SH3D19: variants seen among roughly 807,000 people sequenced by gnomAD.
SH3D19 encodes SH3 domain containing 19, also known as SH3 domain-containing protein 19.
In SH3D19, 58 loss-of-function variants were observed where a neutral mutation model predicts 112.1. The ratio of observed to expected loss-of-function variants is 0.52; its 90% confidence interval spans 0.42 to 0.64. The LOEUF (loss-of-function observed/expected upper bound fraction) is 0.64, where lower values mean the gene tolerates loss of function less well. Among genes scored for constraint, SH3D19 ranks in the 30% least tolerant of loss-of-function variants. The pLI is 0.00. For synonymous variants in SH3D19, 391 were observed against 448.5 expected (o/e 0.87, Z 1.62); for missense variants, 1,090 against 1,263.4 (o/e 0.86, Z 2.08).
chr4:151,250,177 T>A (rs1423768957), intron 1 of SH3D19, among the ~76,000 whole-genome samples: 1 of 151,996 alleles, frequency 6.6e-6, no homozygotes, highest in Non-Finnish European at 1.5e-5. Context: ...AAAAGAGGGG[T>A]AAAGAATATA....
At chr4:151,229,237 C>T (rs1769394736) in intron 1 of SH3D19, among the ~76,000 whole-genome samples, 1 of 152,034 alleles carries the variant, frequency 6.6e-6, no homozygotes, top group African/African-American at 2.4e-5. Context: ...GTTTTCTGAA[C>T]TTCTGCATAT....
intron 1 of SH3D19, among the ~76,000 whole-genome samples, chr4:151,312,499 G>C (rs568986880): frequency 5.3e-5 from 8 of 152,294 alleles, no homozygotes; most frequent in African/African-American, 1.9e-4. Context: ...CTGATGTCCT[G>C]CCAAGAGTTG....
chr4:151,308,803 T>G (rs569869297), intron 1 of SH3D19, among the ~76,000 whole-genome samples: 7 of 152,360 alleles, frequency 4.6e-5, no homozygotes, highest in Admixed American at 1.3e-4. Context: ...AGTAGCTATT[T>G]GCTATCAGTT....
chr4:151,291,010 G>A (rs1320952003), intron 1 of SH3D19: 1 of 770,612 alleles, frequency 1.3e-6, no homozygotes, highest in Non-Finnish European at 2.1e-6. Flanking sequence ...GGGTTCCACA[G>A]CTCCATGGGT....
At chr4:151,236,404 G>C (rs1199609401) in intron 1 of SH3D19, among the ~76,000 whole-genome samples, 2 of 152,286 alleles carry the variant, frequency 1.3e-5, no homozygotes, top group African/African-American at 4.8e-5. Flanking sequence ...GCTAGGTGCT[G>C]CAAAGTCCCA....
At chr4:151,242,363 T>C (rs1259955101) in intron 1 of SH3D19, among the ~76,000 whole-genome samples, 2 of 152,164 alleles carry the variant, frequency 1.3e-5, no homozygotes, top group Non-Finnish European at 2.9e-5. Context: ...CTGTGGGCCA[T>C]ATGCATCAAC....
intron 1 of SH3D19, among the ~76,000 whole-genome samples, chr4:151,272,392 C>T (rs75526683): frequency 6.6e-6 from 1 of 152,112 alleles, no homozygotes; most frequent in Non-Finnish European, 1.5e-5. Flanking sequence ...GGAACTTTCT[C>T]CAAAATGATA....
At chr4:151,151,003 C>G (rs1754974283) in intron 9 of SH3D19, among the ~76,000 whole-genome samples, 1 of 149,532 alleles carries the variant, frequency 6.7e-6, no homozygotes, top group Admixed American at 6.7e-5. Flanking sequence ...CTCTGTCCCC[C>G]AGGCTGGAGT....
At chr4:151,164,444 TC>T (rs1354339694) in intron 8 of SH3D19, among the ~76,000 whole-genome samples, 1 of 152,180 alleles carries the variant, frequency 6.6e-6, no homozygotes, top group African/African-American at 2.4e-5. Flanking sequence ...CTTGTGGCTT[TC>T]CCATTATAAT....
At chr4:151,218,554 A>C (rs1767511939) in intron 2 of SH3D19, among the ~76,000 whole-genome samples, 1 of 152,176 alleles carries the variant, frequency 6.6e-6, no homozygotes, top group East Asian at 1.9e-4. Flanking sequence ...CTAGGACTAC[A>C]GGCATGAGTC....
At chr4:151,160,684 C>CTT (rs35888994) in intron 8 of SH3D19, among the ~76,000 whole-genome samples, 101,328 of 145,358 alleles carry the variant, frequency 0.7, 39,760 homozygotes, top group Non-Finnish European at 0.88. Context: ...CTTTCTCTCT[C>CTT]TTTTTTTTTT....
intron 1 of SH3D19, among the ~76,000 whole-genome samples, chr4:151,321,726 C>G (rs930454349): frequency 6.6e-6 from 1 of 152,156 alleles, no homozygotes. Context: ...CCTTTTGAAC[C>G]AGCAACATAA....
rs145940075 is a variant in SH3D19, at chr4:151,228,886, G to A, written c.113-2800C>T. 7.7e-3 allele frequency among the ~76,000 whole-genome samples: 1,141 copies of A among 147,822 alleles called. 7 individuals are homozygous for A. The highest frequency in any genetic ancestry group is 0.025 in the African/African-American group (1,004 of 40,250). On this transcript the variant is annotated intron_variant, in intron 1 of 19. Transcript: ENST00000604030. Reference sequence around the variant, plus strand: ...TTTTTTTCTTTTGAGACAAGGTTTCGCTCTGTACTCCAGGCTGGAGTGCAG... The same window carrying A: ...TTTTTTTCTTTTGAGACAAGGTTTCACTCTGTACTCCAGGCTGGAGTGCAG...
At position 151,165,671 on chromosome 4, in the gene SH3D19, T is replaced by A. The variant is rs1757889470; in HGVS notation, c.1560A>T (p.Thr520=). The A allele has an allele frequency of 6.2e-7, 1 of 1,614,084 alleles. No individual in the cohort carries two copies. Among genetic ancestry groups the A allele is most frequent in the Admixed American group, 1.7e-5 (1 of 60,002 alleles). ...GAACTGCTCGTTCTTTTATTGGTTC[T>A]GTTTTTGCAGGGAGCTGAAAGGGAT... ...VLDPFQLPAK[T]EPIKERAVQP... is the part of the protein sequence containing the mutation. The change falls in exon 8 of 20, where the codon ACA becomes ACT. Residue 520 remains threonine (T), a synonymous_variant. Coordinates refer to ENST00000604030, the MANE Select transcript of SH3D19 (RefSeq NM_001378122.1).
intron 2 of SH3D19, among the ~76,000 whole-genome samples, chr4:151,208,629 C>G (rs1317705417): frequency 6.6e-6 from 1 of 151,900 alleles, no homozygotes; most frequent in Non-Finnish European, 1.5e-5. Flanking sequence ...CTTGGCCTCC[C>G]AAAGTGCTGG....
intron 2 of SH3D19, among the ~76,000 whole-genome samples, chr4:151,194,016 A>ATTTTTTTT (rs201719037): frequency 1.7e-4 from 19 of 111,902 alleles, no homozygotes; most frequent in South Asian, 2.7e-4. Context: ...AGTAGGATTA[A>ATTTTTTTT]TTTTTTTTTT....
In SH3D19 at chr4:151,121,362, A is replaced by G. The variant is rs1215438112; in HGVS notation, c.*729T>C. On this transcript the variant is annotated 3_prime_UTR_variant, in exon 20 of 20. Transcript: ENST00000604030. ...CATAAAGTATACACTGAGGAAAAAAATAAGTATGGCACATATATGGAAGGA... is the reference window on the plus strand; with the variant it reads ...CATAAAGTATACACTGAGGAAAAAAGTAAGTATGGCACATATATGGAAGGA... 3.3e-5 allele frequency: 5 copies of G among 152,642 alleles called. No homozygotes were observed. The highest frequency in any genetic ancestry group is 5.9e-5 in the Non-Finnish European group (4 of 68,048). 9.5% of individuals were successfully genotyped at this position (152,642 alleles called of 1,614,324 possible). A position where few individuals can be genotyped will look rare whatever the true frequency, so the allele number is the denominator to read the frequency against.
At chr4:151,222,887 G>A (rs979076415) in intron 2 of SH3D19, among the ~76,000 whole-genome samples, 1 of 151,442 alleles carries the variant, frequency 6.6e-6, no homozygotes, top group Non-Finnish European at 1.5e-5. Flanking sequence ...GTCTGGCCTC[G>A]AACTCCTGAC....
At chr4:151,308,151 C>A (rs1729102100) in intron 1 of SH3D19, among the ~76,000 whole-genome samples, 1 of 152,160 alleles carries the variant, frequency 6.6e-6, no homozygotes, top group Admixed American at 6.5e-5. Flanking sequence ...AGTGATCCAC[C>A]CACCTCGGCC....
Sources: allele counts gnomAD v4.1 joint callset (sites outside exome capture counted in the v4.1 genomes callset), GRCh38; gene constraint gnomAD v4.1.1; transcripts MANE v1.5; gene names NCBI Gene and HGNC (gene_info 2026-07-23, HGNC 2026-07-21).